SOBP: variants seen among roughly 807,000 people sequenced by gnomAD.
SOBP encodes the protein sine oculis-binding protein homolog.
A neutral mutation model predicts 53.6 loss-of-function variants in SOBP; 4 were observed. The ratio of observed to expected loss-of-function variants is 0.07; its 90% CI spans 0.04 to 0.17. The LOEUF (loss-of-function observed/expected upper bound fraction) is 0.17, where lower values mean the gene tolerates loss of function less well. Ranked by LOEUF, SOBP falls within the 10% of genes least tolerant of loss-of-function variation. SOBP has a pLI of 1.00. For synonymous variants in SOBP, 584 were observed against 522.6 expected, an observed-to-expected ratio of 1.12 and a Z score of -1.60; for missense variants, 1,088 against 1,204.7, an observed-to-expected ratio of 0.90 and a Z score of 1.43.
At chr6:107,592,654 A>C (rs1459452259) in intron 5 of SOBP, among the ~76,000 whole-genome samples, 3 of 152,216 alleles carry the variant, frequency 2.0e-5, no homozygotes, top group Non-Finnish European at 2.9e-5. Context: ...ACATCATATG[A>C]TGTATGCATA....
At chr6:107,593,122 G>A (rs941057706) in intron 5 of SOBP, among the ~76,000 whole-genome samples, 1 of 152,170 alleles carries the variant, frequency 6.6e-6, no homozygotes, top group Admixed American at 6.5e-5. Context: ...CCATAGTCTT[G>A]TAGTTCAGGT....
At chr6:107,508,395 A>G (rs1783057224) in intron 3 of SOBP, among the ~76,000 whole-genome samples, 1 of 152,136 alleles carries the variant, frequency 6.6e-6, no homozygotes, top group Non-Finnish European at 1.5e-5. Context: ...CCAGGCCAAC[A>G]TGGAGAAACC....
At chr6:107,513,935 C>T (rs1783243768) in intron 3 of SOBP, 1 of 152,518 alleles carries the variant, frequency 6.6e-6, no homozygotes, top group African/African-American at 2.4e-5. Flanking sequence ...TTTGTGGATG[C>T]TATTATTAAC....
At chr6:107,579,729 C>T (rs977153788) in intron 4 of SOBP, among the ~76,000 whole-genome samples, 3 of 152,208 alleles carry the variant, frequency 2.0e-5, no homozygotes, top group Non-Finnish European at 2.9e-5. Flanking sequence ...AAACATGATT[C>T]GATTCCCATT....
intron 4 of SOBP, among the ~76,000 whole-genome samples, chr6:107,555,524 G>T (rs565325661): frequency 6.6e-6 from 1 of 152,264 alleles, no homozygotes; most frequent in African/African-American, 2.4e-5. Context: ...TCCAGAGGAC[G>T]GTGCAGCTGT....
chr6:107,524,100 T>C (rs762674226), intron 3 of SOBP, among the ~76,000 whole-genome samples: 1 of 152,212 alleles, frequency 6.6e-6, no homozygotes, highest in Non-Finnish European at 1.5e-5. Context: ...GGAAATGCTT[T>C]TCTTGTTCTG....
chr6:107,574,841 CCAGCTCCCTCACCACCCCTCCGTTT>C (rs1358586724), intron 4 of SOBP, among the ~76,000 whole-genome samples: 17 of 152,174 alleles, frequency 1.1e-4, no homozygotes, highest in African/African-American at 3.9e-4. Flanking sequence ...CCATGAGGTG[CCAGCTCCCTCACCACCCCTCCGTTT>C]CAGCTGTGTT....
At chr6:107,616,756 T>TG (rs1185316038) in intron 5 of SOBP, among the ~76,000 whole-genome samples, 3 of 152,130 alleles carry the variant, frequency 2.0e-5, no homozygotes, top group African/African-American at 7.2e-5. Context: ...GCAGAAACAG[T>TG]GGGGGCTGTA....
At chr6:107,551,355 A>G (rs1205645256) in intron 4 of SOBP, among the ~76,000 whole-genome samples, 2 of 152,070 alleles carry the variant, frequency 1.3e-5, no homozygotes, top group Non-Finnish European at 2.9e-5. Flanking sequence ...TTAGTATGCT[A>G]TTTTTCAAGC....
chr6:107,545,545 A>G (rs987049574), intron 4 of SOBP, among the ~76,000 whole-genome samples: 2 of 152,186 alleles, frequency 1.3e-5, no homozygotes, highest in African/African-American at 2.4e-5. Flanking sequence ...TGACAACTCT[A>G]TAGAAATGTA....
rs547386559 is a variant in SOBP, at chr6:107,509,407, A to C, written c.421+2980A>C. 1.9e-4 allele frequency among the ~76,000 whole-genome samples: 29 copies of C among 151,866 alleles called. No homozygotes were observed. In the South Asian group the frequency reaches 5.0e-3, roughly 26 times the overall value. ...GAAACTCCTGTCTCAAAAAAAAAAA[A>C]AAACAAAACAAAAAAGAAAATGTGT... On this transcript the variant is annotated intron_variant, in intron 3 of 6. Transcript: ENST00000317357.
chr6:107,645,017 A>T (rs964512043), intron 6 of SOBP, among the ~76,000 whole-genome samples: 1 of 152,152 alleles, frequency 6.6e-6, no homozygotes, highest in Non-Finnish European at 1.5e-5. Context: ...ACTATGAAAA[A>T]TTTTTGGTGG....
Position 107,634,051 on chromosome 6 carries a change from A to G in SOBP, c.1207A>G (p.Ile403Val). The change falls in exon 6 of 7, where the codon ATC (isoleucine) becomes GTC (valine). Residue 403 changes from isoleucine (I) to valine (V), a missense_variant. This residue lies in a region of SOBP where 211 missense variants were observed against 258.9 expected (regional missense o/e 0.82). Transcript: ENST00000317357. This position sits in a 1 kb window ranked among gnomAD's most constrained non-coding sequence, Gnocchi z 4.5. ...GCTGCCCATCTTCATGGAGCAGCAG[A>G]TCATGCAGCAGATCCGCCCGCCCTT... ...VPLPIFMEQQ[I>V]MQQIRPPFIR... 1.2e-6 allele frequency: 2 copies of G among 1,606,912 alleles called. No individual in the cohort carries two copies. Among genetic ancestry groups the G allele is most frequent in the Non-Finnish European group, 1.7e-6 (2 of 1,176,050 alleles).
At chr6:107,525,202 A>C (rs1320200084) in intron 3 of SOBP, among the ~76,000 whole-genome samples, 2 of 152,170 alleles carry the variant, frequency 1.3e-5, no homozygotes, top group Non-Finnish European at 2.9e-5. Context: ...GGGTGATTAC[A>C]TAGGAAAGAC....
intron 6 of SOBP, among the ~76,000 whole-genome samples, chr6:107,641,951 C>T (rs543125521): frequency 6.6e-6 from 1 of 152,324 alleles, no homozygotes; most frequent in African/African-American, 2.4e-5. Context: ...GTGTCCTGCA[C>T]AACTTATTTT....
At position 107,562,257 on chromosome 6, in the gene SOBP, G is replaced by A. The variant is rs554042673; in HGVS notation, c.574-24823G>A. 3.9e-5 allele frequency among the ~76,000 whole-genome samples: 6 copies of A among 152,158 alleles called. No homozygotes were observed. The South Asian group carries it at 1.2e-3, about 32-fold the overall frequency. The stretch of plus-strand genomic sequence containing the variant: ...TGGTCTTAAACTCCTAATCTCAAGT[G>A]ATCTGCCCTCCTGGGCTTCCCAAAG... On this transcript the variant is annotated intron_variant, in intron 4 of 6. Coordinates refer to ENST00000317357, the MANE Select transcript of SOBP (RefSeq NM_018013.4).
chr6:107,542,216 G>A (rs1784167816), intron 4 of SOBP, among the ~76,000 whole-genome samples: 1 of 152,114 alleles, frequency 6.6e-6, no homozygotes. Flanking sequence ...GAGGATCACA[G>A]GAGTTATTTT....
chr6:107,518,750 GTTTTTT>G (rs11390425), intron 3 of SOBP, among the ~76,000 whole-genome samples: 8 of 111,642 alleles, frequency 7.2e-5, no homozygotes, highest in Non-Finnish European at 1.3e-4. Flanking sequence ...AGGAAAGGCT[GTTTTTT>G]TTTTTTTTTC....
chr6:107,579,634 C>G (rs374747146), intron 4 of SOBP, among the ~76,000 whole-genome samples: 2 of 152,226 alleles, frequency 1.3e-5, no homozygotes, highest in South Asian at 4.2e-4. Context: ...TAATCAGGCA[C>G]GAGATCAGCC....
Sources: allele counts gnomAD v4.1 joint callset (sites outside exome capture counted in the v4.1 genomes callset), GRCh38; gene constraint gnomAD v4.1.1; regional missense constraint gnomAD v4.1.1; non-coding constraint Gnocchi (gnomAD v3.1); transcripts MANE v1.5; gene names NCBI Gene and HGNC (gene_info 2026-07-23, HGNC 2026-07-21).